The following DNAH5 variants were observed in gnomAD, a reference collection of about 807,000 sequenced individuals.
DNAH5 encodes the protein axonemal beta dynein heavy chain 5.
In DNAH5, 372 loss-of-function variants were observed where a neutral mutation model predicts 518.2. The observed-to-expected ratio is 0.72, with a 90% CI of 0.66 to 0.78. DNAH5 has a LOEUF of 0.78. DNAH5 is among the 30% of genes least tolerant of loss of function. DNAH5 has a pLI of 0.00. For missense variants in DNAH5, 5,523 were observed against 5,687.0 expected (o/e 0.97, Z 0.93); for synonymous variants, 2,039 against 2,025.9 (o/e 1.01, Z -0.17).
At position 14,006,230 on chromosome 5, in the gene DNAH5, T is replaced by C. The variant is rs563306507; in HGVS notation, c.12+5418A>G. The stretch of plus-strand genomic sequence containing the variant: ...GAGGCAACCTTGAGCTTTAACCTCT[T>C]TGAGCCTCAATTTTCCCACCTGTAA... On this transcript the variant is annotated intron_variant, in intron 1 of 78. Coordinates refer to the DNAH5 transcript ENST00000681290. Among the ~76,000 whole-genome samples the C allele has an allele frequency of 2.3e-4, 35 of 152,324 alleles. 1 individual carries two copies. Among genetic ancestry groups the C allele is most frequent in the African/African-American group, 7.9e-4 (33 of 41,570 alleles).
At chr5:13,842,066 G>A (rs1258651056) in intron 32 of DNAH5, among the ~76,000 whole-genome samples, 162 bp from the exon 33 acceptor site, 2 of 150,274 alleles carry the variant, frequency 1.3e-5, no homozygotes, top group Non-Finnish European at 3.0e-5. Context: ...AAAAAGCCAT[G>A]AAATCTAAAA....
intron 61 of DNAH5, among the ~76,000 whole-genome samples, chr5:13,758,638 C>G (rs1016828236): frequency 2.0e-5 from 3 of 152,182 alleles, no homozygotes; most frequent in African/African-American, 7.2e-5. Context: ...ACCAACACCA[C>G]TAACAAAGAA....
rs1770122233 is a variant in DNAH5, at chr5:13,871,670, G to A, written c.3492C>T (p.Pro1164=). 1 of 1,613,790 alleles carries A rather than the reference G, an allele frequency of 6.2e-7. No homozygotes were observed. The highest frequency in any genetic ancestry group is 8.5e-7 in the Non-Finnish European group (1 of 1,179,788). The change falls in exon 23 of 79, where the codon CCC becomes CCT. Residue 1164 remains proline (P), a synonymous_variant. Coordinates refer to ENST00000265104, the MANE Select transcript of DNAH5 (RefSeq NM_001369.3). ...EAIKTFITQS[P]LLSEFESQIL... Reference sequence around the variant, plus strand: ...TCTGGGACTCAAATTCAGAAAGCAAGGGGCTCTGTGTAATAAATGTCTTAA... The same window carrying A: ...TCTGGGACTCAAATTCAGAAAGCAAAGGGCTCTGTGTAATAAATGTCTTAA...
Position 13,810,210 on chromosome 5 carries a change from G to T in DNAH5, c.7458C>A (p.Phe2486Leu). The T allele has an allele frequency of 6.4e-7, 1 of 1,550,432 alleles. No individual in the cohort carries two copies. Among genetic ancestry groups the T allele is most frequent in the Non-Finnish European group, 8.7e-7 (1 of 1,146,860 alleles). The change falls in exon 45 of 79, where the codon TTC (phenylalanine) becomes TTA (leucine). Residue 2486 changes from phenylalanine (F) to leucine (L), a missense_variant. By Grantham distance (22) the Phe-to-Leu change is conservative. Around this residue, in one of 3 missense-constraint regions of DNAH5, gnomAD observed 5,121 missense variants for 5,223.3 expected, o/e 0.98. Coordinates refer to ENST00000265104, the MANE Select transcript of DNAH5 (RefSeq NM_001369.3). ...SQAHLGRLFV[F>L]ALLWSAGAAL... is the part of the protein sequence containing the mutation. ...CCGCCCCCGCGCTCCACAGCAGCGCGAACACGAACAGCCGCCCCAGGTGAG... is the reference window on the plus strand; with the variant it reads ...CCGCCCCCGCGCTCCACAGCAGCGCTAACACGAACAGCCGCCCCAGGTGAG...
intron 1 of DNAH5, among the ~76,000 whole-genome samples, chr5:13,938,636 T>C (rs1043578573): frequency 2.6e-5 from 4 of 152,102 alleles, no homozygotes; most frequent in African/African-American, 7.2e-5. Flanking sequence ...CCATGGTTTC[T>C]GGCATTCAGT....
rs1352127948 is a variant in DNAH5, at chr5:13,707,977, G to A, written c.13338+146C>T. On this transcript the variant is annotated intron_variant, in intron 76 of 78. Transcript: ENST00000265104. This position sits in a 1 kb window ranked among gnomAD's most constrained non-coding sequence, Gnocchi z 4.0. Reference sequence around the variant, plus strand: ...AAAAAAACTTCCTTCCCTACCTATGGTCTAAAAATACAGGGCTACAGGGGG... The same window carrying A: ...AAAAAAACTTCCTTCCCTACCTATGATCTAAAAATACAGGGCTACAGGGGG... The A allele has an allele frequency of 1.2e-5, 11 of 948,328 alleles. No individual in the cohort carries two copies. Among genetic ancestry groups the A allele is most frequent in the Non-Finnish European group, 1.7e-5 (10 of 597,098 alleles). The allele number at this position is 948,328 out of a possible 1,614,324, so 58.7% of individuals were successfully genotyped here.
chr5:13,810,272 A>G lies in DNAH5; in HGVS notation c.7408-12T>C. ...TCCCCGCCTTGCTCCTGAGAAGGAA[A>G]GACACTTTTTTTTAATAACTTGATT... On this transcript the variant is annotated splice_polypyrimidine_tract_variant and intron_variant, in intron 44 of 78. Coordinates refer to ENST00000265104, the MANE Select transcript of DNAH5 (RefSeq NM_001369.3). 1 of 1,549,556 alleles carries G rather than the reference A, an allele frequency of 6.5e-7. No homozygotes were observed. The highest frequency in any genetic ancestry group is 8.7e-7 in the Non-Finnish European group (1 of 1,146,236).
chr5:13,776,394 C>T (rs754775697), intron 55 of DNAH5, 45 bp downstream of exon 55: 1 of 1,612,158 alleles, frequency 6.2e-7, no homozygotes, highest in Non-Finnish European at 8.5e-7. Flanking sequence ...GAACTAGAAT[C>T]CTTGAACACA....
chr5:13,830,865 T>A, intron 35 of DNAH5, 90 bp from the exon 36 acceptor site: 1 of 1,336,596 alleles, frequency 7.5e-7, no homozygotes, highest in Non-Finnish European at 1.1e-6. Flanking sequence ...CACACAAGAT[T>A]AAAAAACAAA....
intron 1 of DNAH5, 28 bp downstream of exon 1, chr5:13,944,354 T>C (rs1186297594): frequency 1.2e-6 from 2 of 1,610,478 alleles, no homozygotes; most frequent in East Asian, 2.2e-5. Context: ...AAAACACACA[T>C]GCAAAGGTAC....
At chr5:13,945,126 A>G (rs971724393), upstream of DNAH5, among the ~76,000 whole-genome samples, 1 of 152,240 alleles carries the variant, frequency 6.6e-6, no homozygotes, top group Non-Finnish European at 1.5e-5. Context: ...ACTTGTGCTC[A>G]CACAGTTGCA....
intron 7 of DNAH5, among the ~76,000 whole-genome samples, chr5:13,917,721 A>G (rs545741458): frequency 1.3e-5 from 2 of 152,336 alleles, no homozygotes; most frequent in East Asian, 3.9e-4. Context: ...AGAAATGGAA[A>G]GATAATCTAA....
Position 13,911,395 on chromosome 5 carries a change from A to G in DNAH5, c.1635T>C (p.Asn545=). ...TTATTATACAACCTACATGAAGGTC[A>G]TTAGTCTGCTTGCAAAACTCTTCGT... The part of the protein sequence containing the change: ...QDYEEFCKQT[N]DLHNELRKFM... The change falls in exon 12 of 79, where the codon AAT becomes AAC. Residue 545 remains asparagine (N), a synonymous_variant. Coordinates refer to ENST00000265104, the MANE Select transcript of DNAH5 (RefSeq NM_001369.3). 1 of 1,613,184 alleles carries G rather than the reference A, an allele frequency of 6.2e-7. No homozygotes were observed. The highest frequency in any genetic ancestry group is 8.5e-7 in the Non-Finnish European group (1 of 1,179,214).
intron 1 of DNAH5, among the ~76,000 whole-genome samples, chr5:14,004,498 T>C (rs1223670822): frequency 6.6e-6 from 1 of 152,192 alleles, no homozygotes; most frequent in Non-Finnish European, 1.5e-5. Context: ...CTATTAATAA[T>C]GCACCTTGCA....
At chr5:13,766,205 C>T in intron 58 of DNAH5, 26 bp from the exon 59 acceptor site, 1 of 1,612,824 alleles carries the variant, frequency 6.2e-7, no homozygotes, top group Non-Finnish European at 8.5e-7. Context: ...AACGATCACC[C>T]AACCACAGAT....
chr5:13,943,450 C>T (rs1779646561), intron 1 of DNAH5, among the ~76,000 whole-genome samples: 1 of 152,222 alleles, frequency 6.6e-6, no homozygotes, highest in African/African-American at 2.4e-5. Flanking sequence ...TCAGGGGACG[C>T]TTCTCAGAGG....
At chr5:13,747,796 T>A (rs1250368271) in intron 65 of DNAH5, among the ~76,000 whole-genome samples, 1 of 152,204 alleles carries the variant, frequency 6.6e-6, no homozygotes, top group Non-Finnish European at 1.5e-5. Flanking sequence ...CTTTGTCAGA[T>A]GAGTAGATTG....
At chr5:13,853,087 A>G (rs1767122324) in intron 30 of DNAH5, among the ~76,000 whole-genome samples, 1 of 152,192 alleles carries the variant, frequency 6.6e-6, no homozygotes. Flanking sequence ...GACACTTCCC[A>G]GCAGGGGCCA....
intron 15 of DNAH5, chr5:13,898,191 C>T (rs1774149639): frequency 5.8e-6 from 1 of 173,862 alleles, no homozygotes; most frequent in Middle Eastern, 2.3e-3. Flanking sequence ...CTATGCAAGC[C>T]CCACTCAAGT....
Sources: gnomAD v4.1 joint callset for allele counts (sites outside exome capture counted in the v4.1 genomes callset) on GRCh38, gnomAD v4.1.1 for gene constraint, gnomAD v4.1.1 regional missense constraint, Gnocchi (gnomAD v3.1) non-coding constraint, MANE v1.5 for transcripts, NCBI Gene and HGNC (gene_info 2026-07-23, HGNC 2026-07-21) for gene names.